The following PADI4 variants were observed in gnomAD, a reference collection of about 807,000 sequenced individuals.
The protein encoded by PADI4 is protein-arginine deiminase type-4.
A neutral mutation model predicts 75.0 loss-of-function variants in PADI4; 62 were observed. That is an observed-to-expected ratio of 0.83 (90% confidence interval 0.67 to 1.02). The LOEUF (loss-of-function observed/expected upper bound fraction) is 1.02. PADI4 is among the 50% of genes least tolerant of loss of function. The pLI is 0.00. For missense variants in PADI4, 845 were observed against 850.5 expected (o/e 0.99, Z 0.08); for synonymous variants, 361 against 348.1 (o/e 1.04, Z -0.41).
intron 1 of PADI4, among the ~76,000 whole-genome samples, chr1:17,317,281 T>C (rs1484392613): frequency 4.0e-5 from 6 of 151,424 alleles, no homozygotes; most frequent in Non-Finnish European, 8.8e-5. Context: ...GCCACAGACA[T>C]AATGCCGACG....
chr1:17,339,347 C>T (rs976383861), intron 5 of PADI4, among the ~76,000 whole-genome samples: 1 of 152,182 alleles, frequency 6.6e-6, no homozygotes, highest in South Asian at 2.1e-4. Flanking sequence ...CTGCCGCCTG[C>T]TGGTCATTGT....
chr1:17,363,785 T>C lies in PADI4; in HGVS notation c.*30T>C. 13 of 1,496,694 alleles carry C rather than the reference T, an allele frequency of 8.7e-6. No individual in the cohort carries two copies. Among genetic ancestry groups the C allele is most frequent in the Non-Finnish European group, 1.2e-5 (13 of 1,074,620 alleles). 92.7% of individuals were successfully genotyped at this position (1,496,694 alleles called of 1,614,324 possible). A position where few individuals can be genotyped will look rare whatever the true frequency, so the allele number is the denominator to read the frequency against. On this transcript the variant is annotated 3_prime_UTR_variant, in exon 16 of 16. Coordinates refer to ENST00000375448, the MANE Select transcript of PADI4 (RefSeq NM_012387.3). Reference sequence around the variant, plus strand: ...ATCTTCCCTGGCGTCCTCTCCCTCCTGGCCAGATGTCGCTGGGTCCTCTGC... The same window carrying C: ...ATCTTCCCTGGCGTCCTCTCCCTCCCGGCCAGATGTCGCTGGGTCCTCTGC...
intron 10 of PADI4, among the ~76,000 whole-genome samples, chr1:17,353,238 A>T (rs1293615975): frequency 6.6e-6 from 1 of 152,102 alleles, no homozygotes; most frequent in Admixed American, 6.5e-5. Context: ...CGAGGCAGGA[A>T]GATTGAGCCC....
chr1:17,313,134 G>A (rs2073868568), intron 1 of PADI4, among the ~76,000 whole-genome samples: 1 of 151,974 alleles, frequency 6.6e-6, no homozygotes, highest in Non-Finnish European at 1.5e-5. Flanking sequence ...AGGTTGCAGT[G>A]AGCAGAGATG....
chr1:17,313,498 CAAAAAAAAAAA>C (rs71014933), intron 1 of PADI4, among the ~76,000 whole-genome samples: 1 of 68,418 alleles, frequency 1.5e-5, no homozygotes, highest in African/African-American at 6.5e-5. Context: ...AAGACCTTGT[CAAAAAAAAAAA>C]AAAAAAAAAA....
rs1176848961 is a variant in PADI4 at position 17,356,393 on chromosome 1, T to C, written c.1492T>C (p.Tyr498His). The change falls in exon 13 of 16, where the codon TAC (tyrosine) becomes CAC (histidine). Residue 498 changes from tyrosine (Y) to histidine (H), a missense_variant. Transcript: ENST00000375448. The surrounding 1 kb of genome is among the most constrained non-coding windows in gnomAD (Gnocchi z 4.1). ...RLLLASPRSC[Y>H]KLFQEQQNEG... ...GCTCCTGGCCAGCCCCAGGTCCTGC[T>C]ACAAACTGTTCCAGGAGCAGCAGAA... 2 of 1,613,538 alleles carry C rather than the reference T, an allele frequency of 1.2e-6. No individual in the cohort carries two copies. Among genetic ancestry groups the C allele is most frequent in the South Asian group, 2.2e-5 (2 of 90,998 alleles).
At chr1:17,312,586 A>T (rs2073857118) in intron 1 of PADI4, among the ~76,000 whole-genome samples, 1 of 151,974 alleles carries the variant, frequency 6.6e-6, no homozygotes, top group Admixed American at 6.6e-5. Flanking sequence ...TTTCCGTGTG[A>T]GGTGGGGAGA....
intron 10 of PADI4, 175 bp downstream of exon 10, chr1:17,348,223 A>G: frequency 2.0e-6 from 1 of 506,622 alleles, no homozygotes; most frequent in Non-Finnish European, 3.6e-6. Context: ...TTTTATTACC[A>G]AGATAAGATC....
At chr1:17,334,687 T>C (rs2074279263) in intron 3 of PADI4, 4 of 452,548 alleles carry the variant, frequency 8.8e-6, no homozygotes, top group South Asian at 6.2e-5. Context: ...ATAGTGTTCC[T>C]CAAATTCCAT....
At chr1:17,357,533 A>C (rs1341074711) in intron 13 of PADI4, among the ~76,000 whole-genome samples, 1 of 152,182 alleles carries the variant, frequency 6.6e-6, no homozygotes, top group African/African-American at 2.4e-5. Flanking sequence ...CACACAGTAG[A>C]TTCCATCCAT....
At chr1:17,321,213 C>A (rs896196095) in intron 1 of PADI4, among the ~76,000 whole-genome samples, 1 of 152,098 alleles carries the variant, frequency 6.6e-6, no homozygotes, top group Admixed American at 6.5e-5. Context: ...GAAGGGAGAG[C>A]CCTCCAGATG....
intron 1 of PADI4, among the ~76,000 whole-genome samples, chr1:17,326,382 A>G (rs1195928165): frequency 6.6e-6 from 1 of 152,174 alleles, no homozygotes; most frequent in Non-Finnish European, 1.5e-5. Flanking sequence ...CATCTCCCCA[A>G]AAGTTTTGAA....
In PADI4 at chr1:17,358,919, G is replaced by T; in HGVS notation, c.1629+11G>T. The T allele has an allele frequency of 6.3e-7, 1 of 1,581,988 alleles. No homozygotes were observed. Among genetic ancestry groups the T allele is most frequent in the Non-Finnish European group, 8.7e-7 (1 of 1,154,904 alleles). On this transcript the variant is annotated intron_variant, in intron 14 of 15. Transcript: ENST00000375448. ...AATTCATTTGTGGAGGTAGGAGCCT[G>T]GGTGCCTACACCCCAGCAGACCTGA...
At chr1:17,331,779 G>A (rs1333357085) in intron 2 of PADI4, among the ~76,000 whole-genome samples, 15 of 152,204 alleles carry the variant, frequency 9.9e-5, no homozygotes, top group Non-Finnish European at 1.8e-4. Context: ...TTAGCTGGGC[G>A]TAGTGGCGAG....
intron 1 of PADI4, among the ~76,000 whole-genome samples, chr1:17,316,299 C>T (rs368026816): frequency 2.0e-5 from 3 of 151,772 alleles, no homozygotes; most frequent in Non-Finnish European, 2.9e-5. Flanking sequence ...GAGGCTGAGG[C>T]GGGAGAATCA....
At chr1:17,350,370 G>A (rs996144524) in intron 10 of PADI4, among the ~76,000 whole-genome samples, 6 of 131,156 alleles carry the variant, frequency 4.6e-5, no homozygotes, top group African/African-American at 1.5e-4. Context: ...AAGCCAGCTC[G>A]TTACAAGTGA....
chr1:17,310,825 G>A (rs190193656), intron 1 of PADI4, among the ~76,000 whole-genome samples: 6 of 152,190 alleles, frequency 3.9e-5, no homozygotes, highest in East Asian at 1.9e-4. Flanking sequence ...TAGACGGGGC[G>A]CAATGGCTCA....
intron 1 of PADI4, among the ~76,000 whole-genome samples, chr1:17,313,218 G>T (rs140445526): frequency 1.3e-5 from 2 of 151,748 alleles, no homozygotes; most frequent in African/African-American, 4.8e-5. Flanking sequence ...GAAACAATGG[G>T]GCCAGGCGTG....
intron 10 of PADI4, among the ~76,000 whole-genome samples, chr1:17,351,201 GAAAAAA>G (rs61284318): frequency 3.4e-4 from 26 of 76,806 alleles, no homozygotes; most frequent in Non-Finnish European, 5.7e-4. Flanking sequence ...TGTCCCAGAG[GAAAAAA>G]AAAAAAAAAA....
Sources: gnomAD v4.1 joint callset for allele counts (sites outside exome capture counted in the v4.1 genomes callset) on GRCh38, gnomAD v4.1.1 for gene constraint, Gnocchi (gnomAD v3.1) non-coding constraint, MANE v1.5 for transcripts, NCBI Gene and HGNC (gene_info 2026-07-23, HGNC 2026-07-21) for gene names.